SIM1: variants seen among roughly 807,000 people sequenced by gnomAD.
SIM1 encodes SIM bHLH transcription factor 1, also known as single-minded homolog 1.
In SIM1, 18 loss-of-function variants were observed where a neutral mutation model predicts 78.2. That is an observed-to-expected ratio of 0.23 (90% CI 0.16 to 0.34). The LOEUF (loss-of-function observed/expected upper bound fraction) is 0.34. Ranked by LOEUF, SIM1 falls within the 10% of genes least tolerant of loss-of-function variation. SIM1 has a pLI of 1.00. For synonymous variants in SIM1, 417 were observed against 385.2 expected (o/e 1.08, Z -0.97); for missense variants, 939 against 975.1 (o/e 0.96, Z 0.49).
At chr6:100,430,342 G>A (rs1003718283) in intron 9 of SIM1, among the ~76,000 whole-genome samples, 1 of 152,120 alleles carries the variant, frequency 6.6e-6, no homozygotes, top group African/African-American at 2.4e-5. Context: ...GGCTGGAGGA[G>A]GGTGTTGGTC....
chr6:100,421,757 C>T (rs969987379), intron 9 of SIM1, among the ~76,000 whole-genome samples: 12 of 152,134 alleles, frequency 7.9e-5, no homozygotes, highest in Non-Finnish European at 1.6e-4. Context: ...ATAGATACAA[C>T]CTCTGCTGGC....
rs6923794 is a variant in SIM1 at position 100,405,344 on chromosome 6, C to G, written c.1168-11455G>C. 7.4e-3 allele frequency among the ~76,000 whole-genome samples: 1,122 copies of G among 152,100 alleles called. 10 individuals are homozygous for G. The highest frequency in any genetic ancestry group is 0.026 in the African/African-American group (1,080 of 41,530). On this transcript the variant is annotated intron_variant, in intron 10 of 11. Coordinates refer to ENST00000369208, the MANE Select transcript of SIM1 (RefSeq NM_005068.3). Reference sequence around the variant, plus strand: ...CTAGAGGAACTGAGCAGTAAATATACTCATTTATACTATAAATAATTAGAT... The same window carrying G: ...CTAGAGGAACTGAGCAGTAAATATAGTCATTTATACTATAAATAATTAGAT...
At position 100,453,893 on chromosome 6, in the gene SIM1, G is replaced by C. The variant is rs369564599; in HGVS notation, c.176-49C>G. The stretch of plus-strand genomic sequence containing the variant: ...GTAGCCACTGAACCCGGACCTGACA[G>C]GCAGTTTGGGACCAAGTCCCGCGAC... On this transcript the variant is annotated intron_variant, in intron 2 of 11. Coordinates refer to ENST00000369208, the MANE Select transcript of SIM1 (RefSeq NM_005068.3). 6.3e-5 allele frequency: 92 copies of C among 1,456,720 alleles called. No homozygotes were observed. The African/African-American group carries it at 1.1e-3, about 17-fold the overall frequency. The allele number at this position is 1,456,720 out of a possible 1,614,324, so 90.2% of individuals were successfully genotyped here. A position where few individuals can be genotyped will look rare whatever the true frequency, so the allele number is the denominator to read the frequency against.
At chr6:100,417,738 C>T (rs1197314102) in intron 10 of SIM1, among the ~76,000 whole-genome samples, 1 of 152,184 alleles carries the variant, frequency 6.6e-6, no homozygotes, top group East Asian at 1.9e-4. Context: ...TGCCTGCTCA[C>T]TTGTCTGTCT....
chr6:100,464,533 G>A (rs1326453217), intron 1 of SIM1, 81 bp downstream of exon 1: 1 of 152,106 alleles, frequency 6.6e-6, no homozygotes, highest in Non-Finnish European at 1.5e-5. Context: ...CCCGGGGGTG[G>A]GAGGCGCCGC....
chr6:100,453,803 G>T lies in SIM1; in HGVS notation c.217C>A (p.Leu73Met). The stretch of plus-strand genomic sequence containing the variant: ...CCCAGTTCTCGGCCAACGTTGTCCA[G>T]GGGGCTGGTCCGACTTGAGTGGCCC... Reference protein sequence around the residue: ...AWGHSSRTSPLDNVGRELGSH... With the variant: ...AWGHSSRTSPMDNVGRELGSH... Residue 73 changes from leucine (L) to methionine (M), a missense_variant, in exon 3 of 12, where the codon CTG (leucine) becomes ATG (methionine). Physicochemically the swap from Leu to Met is conservative, Grantham distance 15 (BLOSUM62 2). Around this residue, in one of 5 missense-constraint regions of SIM1, gnomAD observed 121 missense variants for 124.6 expected, o/e 0.97. Transcript: ENST00000369208. 6.2e-7 allele frequency: 1 copy of T among 1,612,004 alleles called. No individual in the cohort carries two copies. The highest frequency in any genetic ancestry group is 8.5e-7 in the Non-Finnish European group (1 of 1,179,034).
intron 10 of SIM1, among the ~76,000 whole-genome samples, chr6:100,404,302 C>T (rs188180753): frequency 1.3e-5 from 2 of 152,298 alleles, no homozygotes; most frequent in East Asian, 3.9e-4. Context: ...GATGTTCCAA[C>T]AATAGATGTT....
intron 9 of SIM1, among the ~76,000 whole-genome samples, chr6:100,436,170 T>TGAGTG (rs1247653676): frequency 1.3e-5 from 2 of 152,150 alleles, no homozygotes; most frequent in Admixed American, 1.3e-4. Flanking sequence ...CTTCTAATTG[T>TGAGTG]GAGTGGACGT....
chr6:100,449,656 G>A lies in SIM1; in HGVS notation c.392C>T (p.Ala131Val). 1 of 1,614,072 alleles carries A rather than the reference G, an allele frequency of 6.2e-7. No individual in the cohort carries two copies. Among genetic ancestry groups the A allele is most frequent in the East Asian group, 2.2e-5 (1 of 44,882 alleles). Residue 131 changes from alanine (A) to valine (V), a missense_variant, in exon 5 of 12, where the codon GCA becomes GTA. By Grantham distance (64) the Ala-to-Val change is moderately conservative. Around this residue, in one of 5 missense-constraint regions of SIM1, gnomAD observed 187 missense variants for 191.6 expected, o/e 0.98. Coordinates refer to ENST00000369208, the MANE Select transcript of SIM1 (RefSeq NM_005068.3). ...GNSIYEYIHPADHDEMTAVLT... is the reference protein window; with the variant it reads ...GNSIYEYIHPVDHDEMTAVLT... ...CACCGCCGTCATCTCGTCGTGGTCTGCCGGGTGAATGTATTCATAAATGCT... is the reference window on the plus strand; with the variant it reads ...CACCGCCGTCATCTCGTCGTGGTCTACCGGGTGAATGTATTCATAAATGCT...
In SIM1 at chr6:100,448,487, C is replaced by T. The variant is rs750478646; in HGVS notation, c.735G>A (p.Leu245=). ...CGGCCCTGCCCACCCACCTGGAGTCCAGAAAGATGAGCTTCATGTCCAGGC... is the reference window on the plus strand; with the variant it reads ...CGGCCCTGCCCACCCACCTGGAGTCTAGAAAGATGAGCTTCATGTCCAGGC... ...RASLDMKLIF[L]DSRVAELTGY... The change falls in exon 7 of 12, where the codon CTG becomes CTA. Residue 245 remains leucine, a synonymous_variant. Coordinates refer to ENST00000369208, the MANE Select transcript of SIM1 (RefSeq NM_005068.3). 3.1e-6 allele frequency: 5 copies of T among 1,613,688 alleles called. No homozygotes were observed. In the Admixed American group the frequency reaches 8.3e-5, roughly 27 times the overall value.
intron 9 of SIM1, among the ~76,000 whole-genome samples, chr6:100,428,746 T>C (rs1459240570): frequency 6.6e-6 from 1 of 151,892 alleles, no homozygotes; most frequent in Non-Finnish European, 1.5e-5. Context: ...ATGCCTACAT[T>C]ATAGGAAATG....
rs766261296 is a variant in SIM1 at position 100,420,811 on chromosome 6, G to T, written c.1146C>A (p.Ser382=). The change falls in exon 10 of 12, where the codon TCC becomes TCA. Residue 382 remains serine, a synonymous_variant. Coordinates refer to ENST00000369208, the MANE Select transcript of SIM1 (RefSeq NM_005068.3). The stretch of plus-strand genomic sequence containing the variant: ...TTACCTGAGGGTATGGGGAAGTCCT[G>T]GATTTTGACTTTGAGCTGGAGAGCC... ...KSRLSSSKSK[S]RTSPYPQYSG... is the part of the protein sequence containing the mutation. 62 of 1,614,024 alleles carry T rather than the reference G, an allele frequency of 3.8e-5. No individual in the cohort carries two copies. The highest frequency in any genetic ancestry group is 7.6e-6 in the Non-Finnish European group (9 of 1,180,012).
At chr6:100,399,032 T>C (rs1257610280) in intron 10 of SIM1, among the ~76,000 whole-genome samples, 1 of 151,978 alleles carries the variant, frequency 6.6e-6, no homozygotes, top group East Asian at 1.9e-4. Context: ...TGATTTGCAT[T>C]TCTCTAATGA....
At chr6:100,416,925 T>C (rs965110105) in intron 10 of SIM1, among the ~76,000 whole-genome samples, 4 of 152,082 alleles carry the variant, frequency 2.6e-5, no homozygotes. Flanking sequence ...ATAGTTTTCC[T>C]TGCTTCAATC....
At chr6:100,424,353 G>C (rs1265073707) in intron 9 of SIM1, among the ~76,000 whole-genome samples, 2 of 152,038 alleles carry the variant, frequency 1.3e-5, no homozygotes, top group Non-Finnish European at 1.5e-5. Context: ...TTGATCAGTG[G>C]TTTAAGCTAA....
chr6:100,433,755 C>G (rs1361493830), intron 9 of SIM1, among the ~76,000 whole-genome samples: 1 of 141,850 alleles, frequency 7.0e-6, no homozygotes, highest in African/African-American at 2.6e-5. Flanking sequence ...CACACACACA[C>G]ACACACACAC....
At chr6:100,402,682 A>G (rs1488951522) in intron 10 of SIM1, among the ~76,000 whole-genome samples, 1 of 137,970 alleles carries the variant, frequency 7.2e-6, no homozygotes, top group Non-Finnish European at 1.5e-5. Context: ...GGTTCACGCC[A>G]TTCTCCTGCC....
At chr6:100,450,696 T>TCTCTCTCTCTCATACA (rs1421452803) in intron 3 of SIM1, among the ~76,000 whole-genome samples, 1 of 91,878 alleles carries the variant, frequency 1.1e-5, no homozygotes, top group Non-Finnish European at 2.2e-5. Flanking sequence ...TCTCTCTCTC[T>TCTCTCTCTCTCATACA]CACACACACA....
intron 10 of SIM1, among the ~76,000 whole-genome samples, chr6:100,402,984 A>C (rs1308598442): frequency 6.6e-6 from 1 of 152,186 alleles, no homozygotes; most frequent in Non-Finnish European, 1.5e-5. Context: ...AAAGCTGAGA[A>C]ACTGAGTTAT....
Sources: allele counts gnomAD v4.1 joint callset (sites outside exome capture counted in the v4.1 genomes callset), GRCh38; gene constraint gnomAD v4.1.1; regional missense constraint gnomAD v4.1.1; transcripts MANE v1.5; gene names NCBI Gene and HGNC (gene_info 2026-07-23, HGNC 2026-07-21).